Variants in ATM observed in about 807,000 individuals in gnomAD.
The protein encoded by ATM is ATM serine/threonine kinase.
ATM carries 308 observed loss-of-function variants against 387.0 expected under a neutral mutation model. The ratio of observed to expected loss-of-function variants is 0.80; its 90% CI spans 0.73 to 0.87. ATM has a LOEUF of 0.87. ATM is among the 40% of genes least tolerant of loss of function. ATM has a pLI of 0.00. For missense variants in ATM, 3,312 were observed against 3,560.9 expected (o/e 0.93, Z 1.78); for synonymous variants, 1,156 against 1,187.3 (o/e 0.97, Z 0.54).
At chr11:108,258,363 A>T (rs1462683570) in intron 15 of ATM, among the ~76,000 whole-genome samples, 1 of 152,064 alleles carries the variant, frequency 6.6e-6, no homozygotes, top group East Asian at 1.9e-4. Context: ...CATATAGATG[A>T]CTCTTTTATT....
chr11:108,337,830 A>C (rs908648400), intron 56 of ATM, among the ~76,000 whole-genome samples: 2 of 152,262 alleles, frequency 1.3e-5, no homozygotes, highest in African/African-American at 4.8e-5. Context: ...ATTGGGTTAC[A>C]AAAGTATGGG....
rs1412872138 is a variant in ATM, at chr11:108,345,916, T to G, written c.8584+8T>G. 6.2e-7 allele frequency: 1 copy of G among 1,613,524 alleles called. No homozygotes were observed. The highest frequency in any genetic ancestry group is 2.2e-5 in the East Asian group (1 of 44,804). ...TAGCTACTTCTTCTATTGGTAATCT[T>G]CTTGTACATATAGTAGATTGAGCAC... On this transcript the variant is annotated splice_region_variant and intron_variant, in intron 58 of 62. Transcript: ENST00000675843.
At position 108,341,069 on chromosome 11, in the gene ATM, A is replaced by G. The variant is rs79128456; in HGVS notation, c.8269-2153A>G. 6.0e-3 allele frequency among the ~76,000 whole-genome samples: 919 copies of G among 152,132 alleles called. 6 individuals are homozygous for G. Among genetic ancestry groups the G allele is most frequent in the East Asian group, 0.01 (54 of 5,150 alleles). On this transcript the variant is annotated intron_variant, in intron 56 of 62. Transcript: ENST00000675843. ...CCCTGAATGACAATTCTCTAAGTTA[A>G]GTGATCTGCCTCTGCTGTTCTCCCT... is the stretch of plus-strand genomic sequence containing the variant.
intron 8 of ATM, 109 bp downstream of exon 8, chr11:108,247,236 G>C (rs2135272296): frequency 9.7e-7 from 1 of 1,026,478 alleles, no homozygotes. Context: ...CCTATAAAAT[G>C]ACTCTGTACA....
intron 8 of ATM, 127 bp from the exon 9 acceptor site, chr11:108,248,806 T>G: frequency 1.3e-6 from 1 of 767,500 alleles, no homozygotes; most frequent in Non-Finnish European, 2.0e-6. Flanking sequence ...GAGAATCACT[T>G]GAACCTGGGA....
intron 12 of ATM, 139 bp from the exon 13 acceptor site, chr11:108,253,675 A>G (rs974924245): frequency 1.8e-6 from 1 of 557,696 alleles, no homozygotes; most frequent in African/African-American, 1.9e-5. Context: ...ATTTAAAAGA[A>G]TAATCTATTA....
At chr11:108,240,924 T>C (rs766577383) in intron 5 of ATM, among the ~76,000 whole-genome samples, 3 of 151,964 alleles carry the variant, frequency 2.0e-5, no homozygotes, top group Non-Finnish European at 2.9e-5. Context: ...TTTGACTCTT[T>C]TGTAATAACA....
intron 16 of ATM, among the ~76,000 whole-genome samples, chr11:108,264,658 A>G (rs1259936313): frequency 7.1e-6 from 1 of 140,672 alleles, no homozygotes; most frequent in Non-Finnish European, 1.5e-5. Flanking sequence ...AAGGAAATAA[A>G]GGGTATTCAA....
At chr11:108,250,054 G>A (rs534736045) in intron 9 of ATM, among the ~76,000 whole-genome samples, 3 of 151,490 alleles carry the variant, frequency 2.0e-5, no homozygotes, top group Admixed American at 2.0e-4. Flanking sequence ...CAGTTTTTTG[G>A]GTTTCTTTGT....
chr11:108,346,482 C>A (rs2088414669), intron 58 of ATM: 1 of 150,944 alleles, frequency 6.6e-6, no homozygotes, highest in South Asian at 2.1e-4. Context: ...CATTAGAGAT[C>A]ATCTAATCTA....
chr11:108,237,879 A>G (rs1233405346), intron 5 of ATM, among the ~76,000 whole-genome samples: 3 of 140,264 alleles, frequency 2.1e-5, no homozygotes, highest in South Asian at 2.2e-4. Flanking sequence ...TGAACACTGT[A>G]TATCTCTCCA....
At chr11:108,342,676 T>C (rs1334545665) in intron 56 of ATM, among the ~76,000 whole-genome samples, 1 of 152,208 alleles carries the variant, frequency 6.6e-6, no homozygotes, top group Non-Finnish European at 1.5e-5. Flanking sequence ...CTATACTTTA[T>C]GTATGTTTAT....
At chr11:108,261,615 G>A (rs1335445212) in intron 16 of ATM, among the ~76,000 whole-genome samples, 3 of 152,124 alleles carry the variant, frequency 2.0e-5, no homozygotes, top group Non-Finnish European at 4.4e-5. Context: ...CACCAGCAAC[G>A]GAACAAAGCT....
chr11:108,280,483 T>C (rs1271811221), intron 23 of ATM, among the ~76,000 whole-genome samples: 1 of 152,108 alleles, frequency 6.6e-6, no homozygotes, highest in Non-Finnish European at 1.5e-5. Flanking sequence ...TTTTGCTTTA[T>C]TTTTAGATCT....
At chr11:108,268,136 A>G (rs979998159) in intron 17 of ATM, among the ~76,000 whole-genome samples, 2 of 152,084 alleles carry the variant, frequency 1.3e-5, no homozygotes, top group Non-Finnish European at 2.9e-5. Context: ...ATTGTCAGAA[A>G]TTTAGATTCT....
chr11:108,264,289 A>C (rs542089913), intron 16 of ATM, among the ~76,000 whole-genome samples: 101 of 152,256 alleles, frequency 6.6e-4, no homozygotes, highest in Middle Eastern at 3.4e-3. Flanking sequence ...CACCATGATC[A>C]AGTGGGCTTC....
At chr11:108,245,616 G>C (rs534592420) in intron 7 of ATM, among the ~76,000 whole-genome samples, 148 of 152,084 alleles carry the variant, frequency 9.7e-4, no homozygotes, top group African/African-American at 3.3e-3. Context: ...TATACCAAGA[G>C]AGTATTGCCC....
intron 61 of ATM, chr11:108,355,642 T>G (rs1461462558): frequency 1.3e-5 from 2 of 152,306 alleles, no homozygotes; most frequent in Non-Finnish European, 2.9e-5. Flanking sequence ...ACCTGATTTA[T>G]GTTGGACTGG....
At chr11:108,322,647 T>C (rs1159940395) in intron 45 of ATM, among the ~76,000 whole-genome samples, 1 of 152,224 alleles carries the variant, frequency 6.6e-6, no homozygotes, top group Admixed American at 6.5e-5. Context: ...TCTTTCCTTT[T>C]ATCAAGATAT....
Sources: allele counts gnomAD v4.1 joint callset (sites outside exome capture counted in the v4.1 genomes callset), GRCh38; gene constraint gnomAD v4.1.1; transcripts MANE v1.5; gene names NCBI Gene and HGNC (gene_info 2026-07-23, HGNC 2026-07-21).